Variants in NAGPA observed in about 807,000 individuals in gnomAD.
NAGPA encodes the protein alpha-N-acetylglucosaminyl phosphodiesterase.
NAGPA carries 56 observed loss-of-function variants against 48.5 expected under a neutral mutation model. The ratio of observed to expected loss-of-function variants is 1.15; its 90% CI spans 0.93 to 1.44. The LOEUF (loss-of-function observed/expected upper bound fraction) is 1.44, where lower values mean the gene tolerates loss of function less well. Ranked by LOEUF, NAGPA falls within the 40% of genes most tolerant of loss-of-function variation. The probability of loss-of-function intolerance (pLI) is 0.00; values close to 1 mark genes in which losing one functional copy is unlikely to be tolerated. For synonymous variants in NAGPA, 399 were observed against 315.5 expected (o/e 1.26, Z -2.81); for missense variants, 888 against 735.0 (o/e 1.21, Z -2.41).
intron 3 of NAGPA, chr16:5,031,104 A>ATT (rs879272941): frequency 2.4e-4 from 37 of 153,270 alleles, no homozygotes; most frequent in South Asian, 8.7e-4. Flanking sequence ...TAATTTTTGT[A>ATT]TTTTTTTTTT....
At chr16:5,027,408 A>C in intron 7 of NAGPA, 29 bp from the exon 8 acceptor site, 1 of 1,608,658 alleles carries the variant, frequency 6.2e-7, no homozygotes. Context: ...AGGAGGGAGG[A>C]GGGAGGAGAA....
chr16:5,027,638 C>T (rs1012743672), intron 7 of NAGPA, among the ~76,000 whole-genome samples: 15 of 152,178 alleles, frequency 9.9e-5, no homozygotes, highest in South Asian at 8.3e-4. Flanking sequence ...AGCCAGAGCC[C>T]GGGGACCCTT....
intron 2 of NAGPA, among the ~76,000 whole-genome samples, chr16:5,032,493 T>C (rs369538052): frequency 0.33 from 48,589 of 148,436 alleles, 8,040 homozygotes; most frequent in Middle Eastern, 0.4. Flanking sequence ...ACTCCCCCGT[T>C]CCCCACCCCA....
In NAGPA at chr16:5,025,600, C is replaced by G; in HGVS notation, c.1426G>C (p.Ala476Pro). The G allele has an allele frequency of 6.2e-7, 1 of 1,613,980 alleles. No homozygotes were observed. The highest frequency in any genetic ancestry group is 8.5e-7 in the Non-Finnish European group (1 of 1,180,038). ...AANLSLLLSRAERNRRLHGDY... is the reference protein window; with the variant it reads ...AANLSLLLSRPERNRRLHGDY... The stretch of plus-strand genomic sequence containing the variant: ...CCATGCAGGCGCCGGTTCCTCTCTG[C>G]TCTGGACAGGAGCAAGGACAGGTTT... Residue 476 changes from alanine (A) to proline (P), a missense_variant, in exon 10 of 10, where the codon GCA becomes CCA. Coordinates refer to ENST00000312251, the MANE Select transcript of NAGPA (RefSeq NM_016256.4).
At chr16:5,026,809 G>C (rs574561778) in intron 9 of NAGPA, among the ~76,000 whole-genome samples, 27 of 152,326 alleles carry the variant, frequency 1.8e-4, no homozygotes, top group African/African-American at 6.5e-4. Context: ...GCTGAGGCGG[G>C]AGGATCGCAG....
intron 4 of NAGPA, 87 bp downstream of exon 4, chr16:5,030,298 T>A: frequency 8.1e-7 from 1 of 1,232,294 alleles, no homozygotes; most frequent in Non-Finnish European, 1.2e-6. Context: ...AGAAAGCAGG[T>A]AGAGTCAGAG....
At position 5,029,131 on chromosome 16, in the gene NAGPA, C is replaced by T. The variant is rs189875269; in HGVS notation, c.792-123G>A. The T allele has an allele frequency of 4.1e-4, 616 of 1,513,566 alleles. 3 individuals are homozygous for T. Among genetic ancestry groups the T allele is most frequent in the Non-Finnish European group, 4.7e-4 (521 of 1,109,928 alleles). 93.8% of individuals were successfully genotyped at this position (1,513,566 alleles called of 1,614,324 possible). On this transcript the variant is annotated intron_variant, in intron 4 of 9. Transcript: ENST00000312251. ...CAGGCACATTTCTAAGTGGCCCCCG[C>T]CCCCAAGCATGTCTCATCCTAGCCC...
chr16:5,026,769 C>T (rs1397492742), intron 9 of NAGPA, among the ~76,000 whole-genome samples: 2 of 152,158 alleles, frequency 1.3e-5, no homozygotes, highest in Non-Finnish European at 2.9e-5. Flanking sequence ...GGCATGGGGG[C>T]ACGTGCCTGT....
chr16:5,028,684 G>A, intron 5 of NAGPA, 196 bp downstream of exon 5: 1 of 790,698 alleles, frequency 1.3e-6, no homozygotes, highest in Non-Finnish European at 2.1e-6. Context: ...TCATCCTCAG[G>A]GAGGTCTTTG....
Position 5,028,123 on chromosome 16 carries a change from C to T in NAGPA, c.983G>A (p.Arg328His), listed in dbSNP as rs146390725. 4.7e-5 allele frequency: 76 copies of T among 1,603,504 alleles called. No homozygotes were observed. The African/African-American group carries it at 5.7e-4, about 12-fold the overall frequency. ...VSTVVCVHEP[R>H]CQPPDCHGHG... The stretch of plus-strand genomic sequence containing the variant: ...GCCGTGGCAGTCAGGCGGCTGGCAG[C>T]GGGGTTCGTGCACACACACCACGGT... Residue 328 changes from arginine (R) to histidine (H), a missense_variant, in exon 6 of 10, where the codon CGC (arginine) becomes CAC (histidine). By Grantham distance (29) the Arg-to-His change is conservative. Coordinates refer to ENST00000312251, the MANE Select transcript of NAGPA (RefSeq NM_016256.4).
Position 5,027,142 on chromosome 16 carries a change from A to G in NAGPA, c.1333T>C (p.Phe445Leu), listed in dbSNP as rs778755630. ...ATLRAGELSF[F>L]TRTAWLALTL... ...TCCCACAGAAGCACCTACCTGGTGAAAAAGGAGAGTTCTCCCGCCCTCAGG... is the reference window on the plus strand; with the variant it reads ...TCCCACAGAAGCACCTACCTGGTGAGAAAGGAGAGTTCTCCCGCCCTCAGG... The change falls in exon 9 of 10, where the codon TTC becomes CTC. Residue 445 changes from phenylalanine (F) to leucine (L), a missense_variant. Physicochemically the swap from Phe to Leu is conservative, Grantham distance 22. Transcript: ENST00000312251. 2 of 1,614,184 alleles carry G rather than the reference A, an allele frequency of 1.2e-6. No individual in the cohort carries two copies. Among genetic ancestry groups the G allele is most frequent in the African/African-American group, 1.3e-5 (1 of 75,044 alleles).
intron 4 of NAGPA, 141 bp from the exon 5 acceptor site, chr16:5,029,149 C>G: frequency 7.1e-7 from 1 of 1,404,972 alleles, no homozygotes; most frequent in South Asian, 1.2e-5. Context: ...CATGTCTCAT[C>G]CTAGCCCCCG....
Position 5,030,486 on chromosome 16 carries a change from A to T in NAGPA, c.690T>A (p.Phe230Leu), listed in dbSNP as rs1273786543. ...ECDETQETGS[F>L]SKFVNVISAR... The stretch of plus-strand genomic sequence containing the variant: ...CTGATATCACATTCACAAATTTGCT[A>T]AAGGAACCTGAAGGAAAAGCAGCCT... Residue 230 changes from phenylalanine to leucine, a missense_variant, in exon 4 of 10, where the codon TTT (phenylalanine) becomes TTA (leucine). Physicochemically the swap from Phe to Leu is conservative, Grantham distance 22. Coordinates refer to ENST00000312251, the MANE Select transcript of NAGPA (RefSeq NM_016256.4). The T allele has an allele frequency of 4.5e-6, 7 of 1,552,994 alleles. No individual in the cohort carries two copies. In the African/African-American group the frequency reaches 9.6e-5, roughly 21 times the overall value.
Position 5,033,261 on chromosome 16 carries a change from C to G in NAGPA, c.542+12G>C. On this transcript the variant is annotated intron_variant, in intron 2 of 9. Transcript: ENST00000312251. The surrounding 1 kb of genome is among the most constrained non-coding windows in gnomAD (Gnocchi z 4.2). ...TCTGCCCTCGACAGCACGGGGCTCC[C>G]TGCCTCCTCACCCGGTGACCAGGGT... is the stretch of plus-strand genomic sequence containing the variant. The G allele has an allele frequency of 6.3e-7, 1 of 1,585,370 alleles. No homozygotes were observed. Among genetic ancestry groups the G allele is most frequent in the East Asian group, 2.3e-5 (1 of 43,778 alleles).
In NAGPA at chr16:5,033,859, A is replaced by G. The variant is rs1482648154; in HGVS notation, c.56T>C (p.Leu19Pro). 5.8e-6 allele frequency: 9 copies of G among 1,549,566 alleles called. No individual in the cohort carries two copies. The highest frequency in any genetic ancestry group is 7.0e-6 in the Non-Finnish European group (8 of 1,147,064). The change falls in exon 1 of 10, where the codon CTC becomes CCC. Residue 19 changes from leucine to proline, a missense_variant. By Grantham distance (98) the Leu-to-Pro change is moderately conservative. Coordinates refer to ENST00000312251, the MANE Select transcript of NAGPA (RefSeq NM_016256.4). This position sits in a 1 kb window ranked among gnomAD's most constrained non-coding sequence, Gnocchi z 4.2. ...LLLRLALFGF[L>P]WEASGGLDSG... ...GTCGAGGCCGCCGGACGCTTCCCAG[A>G]GGAAGCCGAATAGTGCAAGCCGGAG...
rs1026075797 is a variant in NAGPA at position 5,027,097 on chromosome 16, C to A, written c.1340+38G>T. The A allele has an allele frequency of 3.1e-6, 5 of 1,610,246 alleles. No homozygotes were observed. In the Admixed American group the frequency reaches 8.3e-5, roughly 27 times the overall value. ...AAGGGTGCGGGAGAGAAGGGGGATT[C>A]CTCCCGCCCTGGCCCCAGCTCCCAC... On this transcript the variant is annotated intron_variant, in intron 9 of 9. Coordinates refer to ENST00000312251, the MANE Select transcript of NAGPA (RefSeq NM_016256.4).
At chr16:5,029,060 T>C in intron 4 of NAGPA, 52 bp from the exon 5 acceptor site, 1 of 1,605,416 alleles carries the variant, frequency 6.2e-7, no homozygotes, top group Middle Eastern at 1.8e-4. Flanking sequence ...TCATTTCTCA[T>C]TTAACTCCTT....
intron 7 of NAGPA, among the ~76,000 whole-genome samples, chr16:5,027,581 G>A (rs886907935): frequency 2.0e-5 from 3 of 152,228 alleles, no homozygotes; most frequent in African/African-American, 7.2e-5. Context: ...AGGCACTGCA[G>A]TTAGGATCTC....
chr16:5,026,847 C>T (rs778285386), intron 9 of NAGPA, among the ~76,000 whole-genome samples: 15 of 152,328 alleles, frequency 9.8e-5, no homozygotes, highest in Non-Finnish European at 1.5e-4. Flanking sequence ...AGCACTTCTG[C>T]CTGGGTGACA....
Sources: gnomAD v4.1 joint callset for allele counts (sites outside exome capture counted in the v4.1 genomes callset) on GRCh38, gnomAD v4.1.1 for gene constraint, Gnocchi (gnomAD v3.1) non-coding constraint, MANE v1.5 for transcripts, NCBI Gene and HGNC (gene_info 2026-07-23, HGNC 2026-07-21) for gene names.